LRRC4C: variants seen among roughly 807,000 people sequenced by gnomAD.
The protein encoded by LRRC4C is leucine-rich repeat-containing protein 4C.
Under a neutral mutation model 33.6 loss-of-function variants are expected in LRRC4C, and 5 were observed. That is an observed-to-expected ratio of 0.15 (90% confidence interval 0.08 to 0.31). The LOEUF is 0.31. LRRC4C is among the 10% of genes least tolerant of loss of function. The pLI is 1.00. For missense variants in LRRC4C, 560 were observed against 796.7 expected (o/e 0.70, Z 3.58); for synonymous variants, 329 against 302.0 (o/e 1.09, Z -0.93).
At chr11:40,262,542 T>C (rs1281170833) in intron 4 of LRRC4C, among the ~76,000 whole-genome samples, 1 of 152,220 alleles carries the variant, frequency 6.6e-6, no homozygotes, top group Non-Finnish European at 1.5e-5. Flanking sequence ...CGTATGTTTA[T>C]TGTGGCACTA....
chr11:40,991,380 G>C (rs946905130), intron 1 of LRRC4C, among the ~76,000 whole-genome samples: 1 of 151,966 alleles, frequency 6.6e-6, no homozygotes, highest in African/African-American at 2.4e-5. Context: ...AGATCAAAAG[G>C]CAAGTTAGGC....
intron 1 of LRRC4C, among the ~76,000 whole-genome samples, chr11:40,983,731 T>C (rs11036169): frequency 0.29 from 43,625 of 151,892 alleles, 6,418 homozygotes; most frequent in Middle Eastern, 0.33. Flanking sequence ...GGCTAATAAG[T>C]GTATGAAAAA....
intron 1 of LRRC4C, among the ~76,000 whole-genome samples, chr11:41,230,264 G>A (rs1411009361): frequency 1.3e-5 from 2 of 152,002 alleles, no homozygotes; most frequent in African/African-American, 2.4e-5. Flanking sequence ...ACCACCATTA[G>A]CTTAAACTCA....
chr11:41,029,522 T>C (rs1403229501), intron 1 of LRRC4C, among the ~76,000 whole-genome samples: 2 of 151,854 alleles, frequency 1.3e-5, no homozygotes, highest in African/African-American at 4.8e-5. Context: ...TGAATACAAC[T>C]ATATTTACAA....
At chr11:41,033,613 T>C (rs1215997588) in intron 1 of LRRC4C, among the ~76,000 whole-genome samples, 1 of 152,030 alleles carries the variant, frequency 6.6e-6, no homozygotes, top group Non-Finnish European at 1.5e-5. Flanking sequence ...GTTTCATATA[T>C]CCAAACCAAT....
At chr11:41,299,335 T>G (rs1950224921) in intron 1 of LRRC4C, among the ~76,000 whole-genome samples, 2 of 152,102 alleles carry the variant, frequency 1.3e-5, no homozygotes, top group South Asian at 4.1e-4. Flanking sequence ...GTAAACAACT[T>G]TAGCATTCTT....
chr11:40,705,033 T>TAAACACACAC (rs1946079351), intron 2 of LRRC4C, among the ~76,000 whole-genome samples: 1 of 151,616 alleles, frequency 6.6e-6, no homozygotes, highest in African/African-American at 2.4e-5. Flanking sequence ...TTTACACACA[T>TAAACACACAC]ACACACACAC....
At chr11:41,122,435 C>A (rs1039121453) in intron 1 of LRRC4C, among the ~76,000 whole-genome samples, 13 of 151,942 alleles carry the variant, frequency 8.6e-5, no homozygotes, top group Admixed American at 6.6e-5. Flanking sequence ...AATTGTGTTG[C>A]CTTCTGAAAA....
chr11:41,400,533 GAGA>G lies in LRRC4C; in HGVS notation c.-496+58895_-496+58897del, dbSNP rs377287733. Among the ~76,000 whole-genome samples the G allele has an allele frequency of 4.2e-4, 64 of 151,826 alleles. 1 individual carries two copies. In the East Asian group the frequency reaches 1.0e-2, roughly 24 times the overall value. On this transcript the variant is annotated intron_variant, in intron 1 of 6. Coordinates refer to ENST00000528697, the MANE Select transcript of LRRC4C (RefSeq NM_001258419.2). Reference sequence around the variant, plus strand: ...CTGGGAATTCTACAACTATCATGGGGAGAAGAAGACTTCAGGGAAACATTAATG... The same window carrying G: ...CTGGGAATTCTACAACTATCATGGGGAGAAGACTTCAGGGAAACATTAATG...
At chr11:41,202,294 T>C (rs1358993894) in intron 1 of LRRC4C, among the ~76,000 whole-genome samples, 1 of 152,200 alleles carries the variant, frequency 6.6e-6, no homozygotes, top group African/African-American at 2.4e-5. Context: ...CGGGAAATGA[T>C]TTGGATTTCT....
intron 3 of LRRC4C, among the ~76,000 whole-genome samples, chr11:40,345,143 C>A (rs1220351363): frequency 4.6e-5 from 7 of 152,074 alleles, no homozygotes; most frequent in Admixed American, 3.9e-4. Context: ...TTTATAGATT[C>A]AATGCCATGC....
chr11:40,872,527 C>A (rs539159086), intron 2 of LRRC4C, among the ~76,000 whole-genome samples: 1 of 151,984 alleles, frequency 6.6e-6, no homozygotes, highest in Non-Finnish European at 1.5e-5. Context: ...GAATAATTTT[C>A]GACTCTATGT....
At chr11:40,731,472 T>C (rs1328457681) in intron 2 of LRRC4C, among the ~76,000 whole-genome samples, 2 of 152,290 alleles carry the variant, frequency 1.3e-5, no homozygotes, top group East Asian at 3.9e-4. Context: ...CAGATGCTGG[T>C]ACCATGCTTG....
At position 40,686,475 on chromosome 11, in the gene LRRC4C, T is replaced by C. The variant is rs539876399; in HGVS notation, c.-406-38197A>G. ...TGATGCCTCCCATTACCCCGAGAGA[T>C]ACTCACTAACTTCACCGGGGGCGGC... On this transcript the variant is annotated intron_variant, in intron 2 of 6. Transcript: ENST00000528697. Among the ~76,000 whole-genome samples, 550 of 152,028 alleles carry C rather than the reference T, an allele frequency of 3.6e-3. 4 individuals carry two copies. The highest frequency in any genetic ancestry group is 5.8e-3 in the Non-Finnish European group (394 of 67,966).
chr11:40,288,567 G>C (rs1377404657), intron 4 of LRRC4C, among the ~76,000 whole-genome samples: 1 of 152,166 alleles, frequency 6.6e-6, no homozygotes, highest in Non-Finnish European at 1.5e-5. Context: ...CTGCTGTAGA[G>C]AATGAAATTA....
chr11:40,465,102 T>A (rs1196529720), intron 3 of LRRC4C, among the ~76,000 whole-genome samples: 1 of 151,752 alleles, frequency 6.6e-6, no homozygotes, highest in African/African-American at 2.4e-5. Flanking sequence ...TGGTATGATA[T>A]AAAATAGACT....
intron 2 of LRRC4C, among the ~76,000 whole-genome samples, chr11:40,916,946 G>T (rs1956988596): frequency 6.6e-6 from 1 of 151,922 alleles, no homozygotes; most frequent in South Asian, 2.1e-4. Flanking sequence ...TTTCTTAGAA[G>T]AAAACTAAAT....
At chr11:41,432,280 C>T (rs913933383) in intron 1 of LRRC4C, among the ~76,000 whole-genome samples, 1 of 152,166 alleles carries the variant, frequency 6.6e-6, no homozygotes, top group African/African-American at 2.4e-5. Context: ...GAAACTTTAG[C>T]TTAACGTTTT....
At chr11:40,684,816 A>C (rs940663516) in intron 2 of LRRC4C, among the ~76,000 whole-genome samples, 1 of 152,032 alleles carries the variant, frequency 6.6e-6, no homozygotes, top group Non-Finnish European at 1.5e-5. Context: ...GAGTACAATG[A>C]AAATAAGGAG....
Sources: gnomAD v4.1 joint callset for allele counts (sites outside exome capture counted in the v4.1 genomes callset) on GRCh38, gnomAD v4.1.1 for gene constraint, MANE v1.5 for transcripts, NCBI Gene and HGNC (gene_info 2026-07-23, HGNC 2026-07-21) for gene names.